Variants in ARHGEF10L observed in about 807,000 individuals in gnomAD.
The protein encoded by ARHGEF10L is rho guanine nucleotide exchange factor 10-like protein.
In ARHGEF10L, 69 loss-of-function variants were observed where a neutral mutation model predicts 141.2. That is an observed-to-expected ratio of 0.49 (90% CI 0.40 to 0.60). The LOEUF is 0.60. Ranked by LOEUF, ARHGEF10L falls within the 20% of genes least tolerant of loss-of-function variation. The pLI, the probability that ARHGEF10L is intolerant of heterozygous loss-of-function variation, is 0.00. For synonymous variants in ARHGEF10L, 711 were observed against 718.5 expected (o/e 0.99, Z 0.17); for missense variants, 1,482 against 1,734.3 (o/e 0.85, Z 2.58).
chr1:17,647,811 G>A (rs2101923189), intron 21 of ARHGEF10L, among the ~76,000 whole-genome samples: 2 of 152,302 alleles, frequency 1.3e-5, no homozygotes, highest in South Asian at 2.1e-4. Context: ...GGACATGTGA[G>A]CAGAGCCCCG....
intron 1 of ARHGEF10L, among the ~76,000 whole-genome samples, chr1:17,561,163 G>C (rs1398824076): frequency 2.0e-5 from 3 of 152,230 alleles, no homozygotes; most frequent in African/African-American, 7.2e-5. Flanking sequence ...TAGGTGCTCA[G>C]TAAGGTGGTT....
chr1:17,665,745 AGT>A (rs1204083076), intron 26 of ARHGEF10L, among the ~76,000 whole-genome samples: 1 of 152,168 alleles, frequency 6.6e-6, no homozygotes, highest in East Asian at 1.9e-4. Flanking sequence ...AACGTATGTG[AGT>A]GTGTGTTTGC....
intron 21 of ARHGEF10L, among the ~76,000 whole-genome samples, chr1:17,645,679 G>A (rs890811345): frequency 3.3e-5 from 5 of 152,200 alleles, no homozygotes; most frequent in African/African-American, 2.4e-5. Context: ...GCGAGCGCTG[G>A]CACACTAGCA....
Position 17,627,522 on chromosome 1 carries a change from C to A in ARHGEF10L, c.1584+19C>A. 1 of 1,608,488 alleles carries A rather than the reference C, an allele frequency of 6.2e-7. No individual in the cohort carries two copies. Among genetic ancestry groups the A allele is most frequent in the South Asian group, 1.1e-5 (1 of 90,542 alleles). On this transcript the variant is annotated intron_variant, in intron 15 of 28. Coordinates refer to ENST00000361221, the MANE Select transcript of ARHGEF10L (RefSeq NM_018125.4). The surrounding 1 kb of genome is among the most constrained non-coding windows in gnomAD (Gnocchi z 4.0). ...CAACAAGGTGAGCTGGGCCTCCCAC[C>A]TGCCTGCCCTCACCTGCCTGCCCTC...
chr1:17,527,870 CTTTTTTT>C, the ARHGEF10L span, among the ~76,000 whole-genome samples: 1 of 20,982 alleles, frequency 4.8e-5, no homozygotes, highest in African/African-American at 9.4e-5. Flanking sequence ...TCTTTCTTTT[CTTTTTTT>C]TTTTTTTTTG....
Position 17,619,461 on chromosome 1 carries a change from G to C in ARHGEF10L, c.942+16G>C. On this transcript the variant is annotated intron_variant, in intron 10 of 28. Coordinates refer to ENST00000361221, the MANE Select transcript of ARHGEF10L (RefSeq NM_018125.4). This position sits in a 1 kb window ranked among gnomAD's most constrained non-coding sequence, Gnocchi z 5.0. ...CCCTCAGCAGGTCTGTGGGGGAGTGGGGCAGGTGGGGGTCTGCAGGGGAAG... is the reference window on the plus strand; with the variant it reads ...CCCTCAGCAGGTCTGTGGGGGAGTGCGGCAGGTGGGGGTCTGCAGGGGAAG... The C allele has an allele frequency of 6.4e-7, 1 of 1,570,024 alleles. No homozygotes were observed. Among genetic ancestry groups the C allele is most frequent in the Non-Finnish European group, 8.6e-7 (1 of 1,157,126 alleles).
chr1:17,572,675 C>T (rs1486347960), intron 1 of ARHGEF10L, among the ~76,000 whole-genome samples: 1 of 152,198 alleles, frequency 6.6e-6, no homozygotes, highest in Non-Finnish European at 1.5e-5. Context: ...CCTGTGGCTG[C>T]TGCCTGAGGA....
chr1:17,583,060 A>G (rs1207398120), intron 2 of ARHGEF10L, among the ~76,000 whole-genome samples: 1 of 25,958 alleles, frequency 3.9e-5, no homozygotes, highest in Admixed American at 4.7e-4. Context: ...ACAAAAAATG[A>G]AAAAAAAAAA....
intron 1 of ARHGEF10L, among the ~76,000 whole-genome samples, chr1:17,556,135 G>C (rs2100772889): frequency 1.1e-5 from 1 of 91,696 alleles, no homozygotes; most frequent in Non-Finnish European, 2.2e-5. Flanking sequence ...GAAACACAGG[G>C]GGGCCTGGGA....
rs2062268652 is a variant in ARHGEF10L at position 17,656,535 on chromosome 1, C to T, written c.2706-19C>T. The T allele has an allele frequency of 6.2e-7, 1 of 1,602,648 alleles. No individual in the cohort carries two copies. The highest frequency in any genetic ancestry group is 1.3e-5 in the African/African-American group (1 of 74,778). Reference sequence around the variant, plus strand: ...AGTGCTCAGTGTGTCATGACCGCTTCTCCAACCTCTCCCCGCAGCATCCTC... The same window carrying T: ...AGTGCTCAGTGTGTCATGACCGCTTTTCCAACCTCTCCCCGCAGCATCCTC... On this transcript the variant is annotated intron_variant, in intron 24 of 28. Coordinates refer to ENST00000361221, the MANE Select transcript of ARHGEF10L (RefSeq NM_018125.4). The surrounding 1 kb of genome is among the most constrained non-coding windows in gnomAD (Gnocchi z 4.9).
chr1:17,598,102 CT>C (rs553934561), intron 4 of ARHGEF10L, among the ~76,000 whole-genome samples: 8,213 of 138,812 alleles, frequency 0.059, 564 homozygotes, highest in African/African-American at 0.18. Flanking sequence ...ACAAGAGAAA[CT>C]TTTTTTTTTT....
At chr1:17,531,587 G>T in the ARHGEF10L span, among the ~76,000 whole-genome samples, 2 of 152,282 alleles carry the variant, frequency 1.3e-5, no homozygotes, top group Non-Finnish European at 2.9e-5. Flanking sequence ...CACCTTCCCT[G>T]CAGGGTTGCC....
intron 4 of ARHGEF10L, among the ~76,000 whole-genome samples, chr1:17,600,671 T>C (rs74059340): frequency 0.18 from 26,839 of 152,092 alleles, 3,018 homozygotes; most frequent in African/African-American, 0.31. Context: ...GATCCCACGT[T>C]GCGCTTAACT....
chr1:17,567,854 C>T (rs1221437344), intron 1 of ARHGEF10L, among the ~76,000 whole-genome samples: 1 of 152,226 alleles, frequency 6.6e-6, no homozygotes, highest in Non-Finnish European at 1.5e-5. Flanking sequence ...TTGGTCATTG[C>T]TGCATTTCGC....
In ARHGEF10L at chr1:17,619,776, T is replaced by C. The variant is rs1379945728; in HGVS notation, c.942+331T>C. On this transcript the variant is annotated intron_variant, in intron 10 of 28. Transcript: ENST00000361221. This position sits in a 1 kb window ranked among gnomAD's most constrained non-coding sequence, Gnocchi z 5.0. ...GTGTCATTTGAAGAATGAGATGGGA[T>C]CCAGACTCAGGTGAGGCTGCAGGTG... is the stretch of plus-strand genomic sequence containing the variant. Among the ~76,000 whole-genome samples, 1 of 152,118 alleles carries C rather than the reference T, an allele frequency of 6.6e-6. No individual in the cohort carries two copies. Among genetic ancestry groups the C allele is most frequent in the African/African-American group, 2.4e-5 (1 of 41,424 alleles).
intron 26 of ARHGEF10L, among the ~76,000 whole-genome samples, chr1:17,666,627 G>T (rs1294832665): frequency 6.6e-6 from 1 of 152,084 alleles, no homozygotes; most frequent in African/African-American, 2.4e-5. Context: ...AGCACTCCCG[G>T]TTCCTCGGTC....
At chr1:17,581,309 CAAAAAAAAAAAAAAAAAA>C (rs71014975) in intron 2 of ARHGEF10L, among the ~76,000 whole-genome samples, 4 of 69,292 alleles carry the variant, frequency 5.8e-5, no homozygotes, top group African/African-American at 2.5e-4. Context: ...AAGACTGTCT[CAAAAAAAAAAAAAAAAAA>C]AAAAAGAAAA....
chr1:17,618,253 G>GCCCAACCCC, intron 9 of ARHGEF10L: 1 of 1,356,216 alleles, frequency 7.4e-7, no homozygotes, highest in Non-Finnish European at 9.8e-7. Context: ...GCTCTCCTCA[G>GCCCAACCCC]CCCTCCCCAC....
chr1:17,578,982 G>C (rs1570579058), intron 1 of ARHGEF10L, among the ~76,000 whole-genome samples: 1 of 152,220 alleles, frequency 6.6e-6, no homozygotes, highest in East Asian at 1.9e-4. Flanking sequence ...CTGGGGGACT[G>C]GGGGATTAGG....
Sources: gnomAD v4.1 joint callset for allele counts (sites outside exome capture counted in the v4.1 genomes callset) on GRCh38, gnomAD v4.1.1 for gene constraint, Gnocchi (gnomAD v3.1) non-coding constraint, MANE v1.5 for transcripts, NCBI Gene and HGNC (gene_info 2026-07-23, HGNC 2026-07-21) for gene names.